The following WDR27 variants were observed in gnomAD, a reference collection of about 807,000 sequenced individuals.
WDR27 encodes WD repeat-containing protein 27.
Under a neutral mutation model 114.4 loss-of-function variants are expected in WDR27, and 100 were observed. That is an observed-to-expected ratio of 0.87 (90% CI 0.74 to 1.03). WDR27 has a LOEUF of 1.03. WDR27 is among the 50% of genes least tolerant of loss of function. WDR27 has a pLI of 0.00. For missense variants in WDR27, 1,129 were observed against 1,092.9 expected (o/e 1.03, Z -0.47); for synonymous variants, 449 against 423.1 (o/e 1.06, Z -0.75).
chr6:169,459,802 A>G (rs1217478600), intron 25 of WDR27, among the ~76,000 whole-genome samples: 1 of 152,126 alleles, frequency 6.6e-6, no homozygotes, highest in African/African-American at 2.4e-5. Context: ...CTGGGCTAAA[A>G]TAAAACTCAA....
chr6:169,519,504 G>A (rs1794093204), intron 25 of WDR27, among the ~76,000 whole-genome samples: 1 of 152,034 alleles, frequency 6.6e-6, no homozygotes, highest in Non-Finnish European at 1.5e-5. Flanking sequence ...TGGCAGAACA[G>A]GTACAAGAGA....
intron 21 of WDR27, among the ~76,000 whole-genome samples, chr6:169,631,331 C>G (rs1374099642): frequency 6.6e-6 from 1 of 152,086 alleles, no homozygotes; most frequent in Non-Finnish European, 1.5e-5. Flanking sequence ...TCCAACAACT[C>G]TCCCCAAGCT....
Position 169,638,573 on chromosome 6 carries a change from C to G in WDR27, c.1835G>C (p.Trp612Ser), listed in dbSNP as rs758068058. The G allele has an allele frequency of 6.2e-7, 1 of 1,610,920 alleles. No individual in the cohort carries two copies. Among genetic ancestry groups the G allele is most frequent in the Admixed American group, 1.7e-5 (1 of 59,760 alleles). ...SAARDGTLRM[W>S]SARGAELALL... is the part of the protein sequence containing the mutation. ...TGCGAGCTCTGCCCCACGAGCCGAC[C>G]ACATTCGCAGGGTCCCGTCCCGGGC... The change falls in exon 18 of 26, where the codon TGG becomes TCG. Residue 612 changes from tryptophan (W) to serine (S), a missense_variant. Transcript: ENST00000448612.
chr6:169,506,734 A>AAAGGTGAACAAGAAT lies in WDR27; in HGVS notation c.2646-49115_2646-49101dup, dbSNP rs556252281. 5.3e-5 allele frequency among the ~76,000 whole-genome samples: 8 copies of AAAGGTGAACAAGAAT among 152,372 alleles called. No homozygotes were observed. In the East Asian group the frequency reaches 1.5e-3, roughly 29 times the overall value. The stretch of plus-strand genomic sequence containing the variant: ...TGGAAAAATAGATTGTACTGCAATC[A>AAAGGTGAACAAGAAT]AAGGTGAACAAGAATAACATGGACC... On this transcript the variant is annotated intron_variant, in intron 25 of 25. Transcript: ENST00000448612.
At chr6:169,647,635 C>G in intron 16 of WDR27, 138 bp downstream of exon 16, 1 of 822,566 alleles carries the variant, frequency 1.2e-6, no homozygotes, top group Non-Finnish European at 2.0e-6. Context: ...AGACACAAAC[C>G]ATGCCATGCA....
chr6:169,566,705 C>T (rs1800562801), intron 25 of WDR27, among the ~76,000 whole-genome samples: 1 of 152,078 alleles, frequency 6.6e-6, no homozygotes, highest in South Asian at 2.1e-4. Context: ...CTGGGTGTTG[C>T]GAGGCTGCCA....
At chr6:169,497,285 C>T (rs1034883090) in intron 25 of WDR27, among the ~76,000 whole-genome samples, 3 of 151,942 alleles carry the variant, frequency 2.0e-5, no homozygotes, top group Non-Finnish European at 4.4e-5. Flanking sequence ...GCGCCAAAGG[C>T]CTGAATGGAA....
rs201098747 is a variant in WDR27 at position 169,495,532 on chromosome 6, A to AC, written c.2646-37899dup. ...TGATTCTTTGAAAAGATAAAAAAAA[A>AC]CCTGACAAAGCTTTAGCCAGGTGGA... On this transcript the variant is annotated intron_variant, in intron 25 of 25. Transcript: ENST00000448612. Among the ~76,000 whole-genome samples the AC allele has an allele frequency of 1.3e-4, 19 of 151,482 alleles. No homozygotes were observed. The South Asian group carries it at 2.3e-3, about 18-fold the overall frequency.
At chr6:169,685,372 G>A (rs1782644482) in intron 2 of WDR27, among the ~76,000 whole-genome samples, 1 of 151,862 alleles carries the variant, frequency 6.6e-6, no homozygotes, top group South Asian at 2.1e-4. Context: ...TATATGAAAT[G>A]TCAGAAAAAG....
At chr6:169,444,688 TTTG>T in the WDR27 span, among the ~76,000 whole-genome samples, 1 of 152,050 alleles carries the variant, frequency 6.6e-6, no homozygotes, top group Non-Finnish European at 1.5e-5. Context: ...TTTTTCGTCT[TTTG>T]TTGTTTTGCA....
chr6:169,602,346 G>T (rs771498968), intron 22 of WDR27, 25 bp from the exon 23 acceptor site: 2 of 1,453,432 alleles, frequency 1.4e-6, no homozygotes, highest in Non-Finnish European at 1.9e-6. Context: ...GAAACACCAG[G>T]AGAAAAATCA....
At chr6:169,563,116 C>A (rs1799901188) in intron 25 of WDR27, among the ~76,000 whole-genome samples, 3 of 152,156 alleles carry the variant, frequency 2.0e-5, no homozygotes, top group Admixed American at 1.3e-4. Flanking sequence ...ATAAAGCTGA[C>A]AGCGGACCCC....
chr6:169,439,003 T>G, the WDR27 span, among the ~76,000 whole-genome samples: 2 of 152,156 alleles, frequency 1.3e-5, no homozygotes. Context: ...ATGTTTTAAG[T>G]TTTTTTAACA....
chr6:169,472,331 T>A (rs971356222), intron 25 of WDR27, among the ~76,000 whole-genome samples: 1 of 152,204 alleles, frequency 6.6e-6, no homozygotes, highest in Non-Finnish European at 1.5e-5. Context: ...CAGAGAAGCA[T>A]CTAAGACCTT....
intron 25 of WDR27, among the ~76,000 whole-genome samples, chr6:169,504,017 C>A (rs1353325813): frequency 6.6e-6 from 1 of 151,930 alleles, no homozygotes; most frequent in Non-Finnish European, 1.5e-5. Flanking sequence ...GAGGAGTGTA[C>A]TGATGTGTAA....
In WDR27 at chr6:169,634,544, A is replaced by C. The variant is rs762779094; in HGVS notation, c.2004-19T>G. The C allele has an allele frequency of 1.9e-6, 3 of 1,571,834 alleles. No individual in the cohort carries two copies. Among genetic ancestry groups the C allele is most frequent in the South Asian group, 2.3e-5 (2 of 86,152 alleles). The stretch of plus-strand genomic sequence containing the variant: ...TTTATATCTGGAAGAGAAAATCAAG[A>C]TGATCAATATTTTTGCTTTCCTTCT... On this transcript the variant is annotated intron_variant, in intron 19 of 25. Transcript: ENST00000448612.
intron 19 of WDR27, among the ~76,000 whole-genome samples, 153 bp from the exon 20 acceptor site, chr6:169,634,678 C>T (rs9478000): frequency 0.11 from 16,105 of 152,124 alleles, 993 homozygotes; most frequent in African/African-American, 0.16. Flanking sequence ...GAATTAGCTA[C>T]CTTAATTTTT....
intron 4 of WDR27, among the ~76,000 whole-genome samples, 174 bp from the exon 5 acceptor site, chr6:169,668,359 T>C (rs1828475218): frequency 6.6e-6 from 1 of 152,140 alleles, no homozygotes. Context: ...ATTAGGAAGC[T>C]GGCGTCTCCT....
chr6:169,694,874 A>T (rs1320268912), intron 1 of WDR27, among the ~76,000 whole-genome samples: 1 of 152,240 alleles, frequency 6.6e-6, no homozygotes, highest in Non-Finnish European at 1.5e-5. Flanking sequence ...TGATCCTTGA[A>T]CATTTCTCAT....
Sources: allele counts gnomAD v4.1 joint callset (sites outside exome capture counted in the v4.1 genomes callset), GRCh38; gene constraint gnomAD v4.1.1; transcripts MANE v1.5; gene names NCBI Gene and HGNC (gene_info 2026-07-23, HGNC 2026-07-21).